DHX57: variants seen among roughly 807,000 people sequenced by gnomAD.
DHX57 encodes putative ATP-dependent RNA helicase DHX57.
In DHX57, 105 loss-of-function variants were observed where a neutral mutation model predicts 156.2. The observed-to-expected ratio is 0.67, with a 90% CI of 0.57 to 0.79. DHX57 has a LOEUF of 0.79. Among genes scored for constraint, DHX57 ranks in the 30% least tolerant of loss-of-function variants. DHX57 has a pLI of 0.00. For synonymous variants in DHX57, 704 were observed against 595.6 expected (o/e 1.18, Z -2.65); for missense variants, 1,847 against 1,661.9 (o/e 1.11, Z -1.94).
At chr2:38,873,818 T>C (rs1665464685) in intron 1 of DHX57, among the ~76,000 whole-genome samples, 1 of 152,090 alleles carries the variant, frequency 6.6e-6, no homozygotes, top group Admixed American at 6.5e-5. Flanking sequence ...TTAAGTGCTA[T>C]CAAGGAAAAA....
At chr2:38,856,297 T>C (rs1438899193) in intron 7 of DHX57, 43 bp downstream of exon 7, 1 of 1,584,292 alleles carries the variant, frequency 6.3e-7, no homozygotes, top group Admixed American at 1.9e-5. Flanking sequence ...GTGCATATAA[T>C]ATTTATAGAT....
At chr2:38,864,049 T>C (rs1352522914) in intron 2 of DHX57, among the ~76,000 whole-genome samples, 1 of 151,672 alleles carries the variant, frequency 6.6e-6, no homozygotes, top group East Asian at 1.9e-4. Flanking sequence ...AGATTCTTAA[T>C]CATTAATTCT....
chr2:38,873,924 A>G (rs1302681503), intron 1 of DHX57, among the ~76,000 whole-genome samples: 1 of 152,136 alleles, frequency 6.6e-6, no homozygotes, highest in African/African-American at 2.4e-5. Flanking sequence ...ATGAGCCATG[A>G]AATAGTCATC....
chr2:38,866,945 A>T (rs1158317482), intron 2 of DHX57, among the ~76,000 whole-genome samples: 5 of 152,236 alleles, frequency 3.3e-5, no homozygotes, highest in Non-Finnish European at 5.9e-5. Context: ...CTAGGCCTTC[A>T]CATTCACTCA....
rs751095877 is a variant in DHX57, at chr2:38,837,949, TGAAA to T, written c.2426-6_2426-3del. 4 of 1,585,558 alleles carry T rather than the reference TGAAA, an allele frequency of 2.5e-6. No individual in the cohort carries two copies. The highest frequency in any genetic ancestry group is 3.5e-6 in the Non-Finnish European group (4 of 1,154,478). On this transcript the variant is annotated splice_polypyrimidine_tract_variant and splice_region_variant and intron_variant, in intron 12 of 23. Transcript: ENST00000457308. ...TTTTGATGACTGACTTGCTAACCCC[TGAAA>T]GAAAGAAAGGTAAAAATGAGAAGGA...
intron 1 of DHX57, among the ~76,000 whole-genome samples, chr2:38,870,352 C>T (rs999832258): frequency 6.6e-6 from 1 of 152,200 alleles, no homozygotes; most frequent in Non-Finnish European, 1.5e-5. Flanking sequence ...ATAACCTCTA[C>T]ATGCAGGAAG....
intron 2 of DHX57, among the ~76,000 whole-genome samples, chr2:38,864,877 C>G (rs749498822): frequency 1.3e-5 from 2 of 152,186 alleles, no homozygotes; most frequent in Non-Finnish European, 2.9e-5. Flanking sequence ...CAGCTCTTGT[C>G]AAGGTTAACC....
intron 15 of DHX57, 146 bp downstream of exon 15, chr2:38,826,370 A>G (rs1572647389): frequency 7.6e-6 from 7 of 926,802 alleles, no homozygotes; most frequent in African/African-American, 1.7e-5. Flanking sequence ...TGGCTACACA[A>G]TCATTCACAC....
At chr2:38,814,582 T>A (rs1008562255) in intron 20 of DHX57, among the ~76,000 whole-genome samples, 4 of 152,188 alleles carry the variant, frequency 2.6e-5, no homozygotes, top group African/African-American at 9.6e-5. Flanking sequence ...CCTATAGTTA[T>A]AGAAAAAGCT....
intron 1 of DHX57, among the ~76,000 whole-genome samples, chr2:38,873,305 A>G (rs184826722): frequency 1.0e-3 from 154 of 152,296 alleles, no homozygotes; most frequent in Admixed American, 1.4e-3. Flanking sequence ...ACCTCAATAA[A>G]TGTAAAAAGA....
intron 22 of DHX57, among the ~76,000 whole-genome samples, chr2:38,805,389 T>G (rs565768429): frequency 1.6e-4 from 25 of 152,258 alleles, no homozygotes; most frequent in Non-Finnish European, 3.1e-4. Context: ...TGTGGTACAC[T>G]CTGGATATGA....
chr2:38,872,656 G>A lies in DHX57; in HGVS notation c.-7+3131C>T, dbSNP rs183152347. The stretch of plus-strand genomic sequence containing the variant: ...ATAGGGATATTTCTTAATGATAAAA[G>A]GGTTAATCTGCCAGGAAATGATAAC... On this transcript the variant is annotated intron_variant, in intron 1 of 23. Transcript: ENST00000457308. Among the ~76,000 whole-genome samples, 315 of 152,266 alleles carry A rather than the reference G, an allele frequency of 2.1e-3. 1 individual carries two copies. The highest frequency in any genetic ancestry group is 7.1e-3 in the African/African-American group (295 of 41,554).
chr2:38,819,491 T>C (rs1670710129), intron 17 of DHX57, among the ~76,000 whole-genome samples: 1 of 152,202 alleles, frequency 6.6e-6, no homozygotes, highest in Non-Finnish European at 1.5e-5. Context: ...GGACACTTTT[T>C]ATCTGAGGTT....
intron 12 of DHX57, among the ~76,000 whole-genome samples, chr2:38,842,446 G>A (rs180876736): frequency 6.6e-6 from 1 of 152,218 alleles, no homozygotes; most frequent in East Asian, 1.9e-4. Context: ...AGTGTTAAAT[G>A]TCCTCATTTT....
intron 13 of DHX57, among the ~76,000 whole-genome samples, chr2:38,836,236 C>A (rs1203543152): frequency 1.3e-5 from 2 of 152,052 alleles, no homozygotes; most frequent in African/African-American, 4.8e-5. Context: ...CAATATGTTT[C>A]CTTAATGTTG....
intron 19 of DHX57, among the ~76,000 whole-genome samples, chr2:38,816,483 T>A (rs1572633453): frequency 6.6e-6 from 1 of 152,194 alleles, no homozygotes; most frequent in Non-Finnish European, 1.5e-5. Context: ...CCCAAAGCGC[T>A]GAGATTACAG....
intron 23 of DHX57, among the ~76,000 whole-genome samples, chr2:38,801,336 G>T (rs1010619986): frequency 1.3e-5 from 2 of 152,052 alleles, no homozygotes; most frequent in Non-Finnish European, 2.9e-5. Context: ...GACCTCTTGG[G>T]CTTGAGCAAT....
chr2:38,845,900 C>G (rs897908674), intron 11 of DHX57, among the ~76,000 whole-genome samples: 1 of 143,108 alleles, frequency 7.0e-6, no homozygotes, highest in East Asian at 2.0e-4. Flanking sequence ...GAGTTTTACT[C>G]TGCCGCCCAG....
At chr2:38,852,237 C>A (rs1313923066) in intron 9 of DHX57, among the ~76,000 whole-genome samples, 2 of 149,854 alleles carry the variant, frequency 1.3e-5, no homozygotes, top group Non-Finnish European at 3.0e-5. Flanking sequence ...AGTACAGTGG[C>A]GCAATCTCGG....
Sources: allele counts gnomAD v4.1 joint callset (sites outside exome capture counted in the v4.1 genomes callset), GRCh38; gene constraint gnomAD v4.1.1; transcripts MANE v1.5; gene names NCBI Gene and HGNC (gene_info 2026-07-23, HGNC 2026-07-21).